SUGP1: variants seen among roughly 807,000 people sequenced by gnomAD.
SUGP1 encodes SURP and G-patch domain-containing protein 1.
In SUGP1, 34 loss-of-function variants were observed where a neutral mutation model predicts 76.5. The ratio of observed to expected loss-of-function variants is 0.44; its 90% CI spans 0.34 to 0.59. SUGP1 has a LOEUF of 0.59. Among genes scored for constraint, SUGP1 ranks in the 20% least tolerant of loss-of-function variants. The pLI, the probability that SUGP1 is intolerant of heterozygous loss-of-function variation, is 0.01. For synonymous variants in SUGP1, 326 were observed against 326.2 expected, an observed-to-expected ratio of 1.00 and a Z score of 0.01; for missense variants, 752 against 851.7, an observed-to-expected ratio of 0.88 and a Z score of 1.46.
intron 7 of SUGP1, among the ~76,000 whole-genome samples, chr19:19,300,129 G>A (rs1435158126): frequency 6.6e-6 from 1 of 151,880 alleles, no homozygotes; most frequent in African/African-American, 2.4e-5. Flanking sequence ...AGGCTGAAGT[G>A]CAATGGCATC....
At chr19:19,317,339 G>T (rs1164679395) in intron 1 of SUGP1, among the ~76,000 whole-genome samples, 1 of 152,168 alleles carries the variant, frequency 6.6e-6, no homozygotes, top group Non-Finnish European at 1.5e-5. Flanking sequence ...GGCAGAAGAA[G>T]GAGCAGATGT....
At chr19:19,311,413 T>C (rs1184422024) in intron 2 of SUGP1, among the ~76,000 whole-genome samples, 1 of 151,406 alleles carries the variant, frequency 6.6e-6, no homozygotes, top group Non-Finnish European at 1.5e-5. Flanking sequence ...GCAAGATTGC[T>C]TTGGCTGTTT....
In SUGP1 at chr19:19,319,706, CAAAAAAAAA is replaced by C. The variant is rs570232030; in HGVS notation, c.34+748_34+756del. ...TGGGCGACAAAGTGAGACCCTGTCT[CAAAAAAAAA>C]AAAAAAAAAAAAAAGAAAGAAAGAA... On this transcript the variant is annotated intron_variant, in intron 1 of 13. Coordinates refer to ENST00000247001, the MANE Select transcript of SUGP1 (RefSeq NM_172231.4). Among the ~76,000 whole-genome samples, 50 of 69,284 alleles carry C rather than the reference CAAAAAAAAA, an allele frequency of 7.2e-4. No individual in the cohort carries two copies. The South Asian group carries it at 0.028, about 38-fold the overall frequency. 45.5% of individuals were successfully genotyped at this position (69,284 alleles called of 152,430 possible).
chr19:19,300,713 C>T (rs1654502531), intron 7 of SUGP1, among the ~76,000 whole-genome samples: 1 of 152,196 alleles, frequency 6.6e-6, no homozygotes, highest in Non-Finnish European at 1.5e-5. Flanking sequence ...TCCCTTCAGC[C>T]TCGTCTCCTC....
intron 11 of SUGP1, 43 bp downstream of exon 11, chr19:19,278,647 T>A (rs1257034849): frequency 6.5e-7 from 1 of 1,549,154 alleles, no homozygotes; most frequent in Non-Finnish European, 8.8e-7. Flanking sequence ...CAGGAGGGGC[T>A]GGCATGTGGC....
At chr19:19,308,154 C>A (rs375689421) in intron 3 of SUGP1, among the ~76,000 whole-genome samples, 8 of 152,156 alleles carry the variant, frequency 5.3e-5, no homozygotes, top group Non-Finnish European at 8.8e-5. Flanking sequence ...TCTCAGCCCC[C>A]CCATTAGTTG....
At chr19:19,319,387 A>G (rs564042540) in intron 1 of SUGP1, among the ~76,000 whole-genome samples, 2 of 151,884 alleles carry the variant, frequency 1.3e-5, no homozygotes, top group South Asian at 4.2e-4. Flanking sequence ...CCCTCCAGGG[A>G]TTCCCATAGC....
intron 7 of SUGP1, 184 bp downstream of exon 7, chr19:19,302,081 G>T: frequency 2.3e-6 from 2 of 883,072 alleles, no homozygotes; most frequent in African/African-American, 1.7e-5. Context: ...CAGGGGTGCT[G>T]GTGTGTGCGT....
At chr19:19,320,130 G>A (rs751444843) in intron 1 of SUGP1, among the ~76,000 whole-genome samples, 1 of 152,256 alleles carries the variant, frequency 6.6e-6, no homozygotes, top group South Asian at 2.1e-4. Flanking sequence ...GCGACGAAAA[G>A]AGGGGTGCAG....
intron 8 of SUGP1, among the ~76,000 whole-genome samples, chr19:19,287,153 C>A (rs1420196992): frequency 6.6e-6 from 1 of 152,028 alleles, no homozygotes; most frequent in Non-Finnish European, 1.5e-5. Flanking sequence ...CACTTGTAAT[C>A]CAAGCTGCTC....
chr19:19,302,612 G>A (rs1295131300), intron 6 of SUGP1, among the ~76,000 whole-genome samples: 6 of 152,106 alleles, frequency 3.9e-5, no homozygotes, highest in Non-Finnish European at 8.8e-5. Flanking sequence ...AGGTCAAGAG[G>A]GCCTGGGACA....
intron 6 of SUGP1, 170 bp from the exon 7 acceptor site, chr19:19,302,558 C>T (rs906917819): frequency 4.1e-6 from 4 of 974,532 alleles, no homozygotes; most frequent in South Asian, 1.7e-5. Context: ...ATTCATAACA[C>T]ACCTCAAGCC....
intron 2 of SUGP1, among the ~76,000 whole-genome samples, chr19:19,311,395 T>C (rs1167058267): frequency 6.6e-6 from 1 of 151,784 alleles, no homozygotes; most frequent in Non-Finnish European, 1.5e-5. Context: ...TGCCCTGTGA[T>C]TCTTCCAGCA....
At chr19:19,278,225 T>C (rs898837630) in intron 11 of SUGP1, among the ~76,000 whole-genome samples, 1 of 152,130 alleles carries the variant, frequency 6.6e-6, no homozygotes, top group Non-Finnish European at 1.5e-5. Context: ...TAATAAGAGA[T>C]GGACAACGAG....
intron 8 of SUGP1, 83 bp downstream of exon 8, chr19:19,296,906 C>A: frequency 8.5e-7 from 1 of 1,178,392 alleles, no homozygotes; most frequent in Admixed American, 2.8e-5. Context: ...ACAAGCTACA[C>A]TGTGGATGAA....
chr19:19,308,805 T>TAG (rs1206300863), intron 3 of SUGP1, among the ~76,000 whole-genome samples: 4 of 152,102 alleles, frequency 2.6e-5, no homozygotes, highest in Non-Finnish European at 5.9e-5. Flanking sequence ...AAATCTGACT[T>TAG]ATCTGTCTCT....
At chr19:19,287,406 C>CA (rs2081042779) in intron 8 of SUGP1, among the ~76,000 whole-genome samples, 1 of 151,764 alleles carries the variant, frequency 6.6e-6, no homozygotes, top group African/African-American at 2.4e-5. Flanking sequence ...ACAAAAAATA[C>CA]AAAAAATTAG....
chr19:19,306,032 G>A lies in SUGP1; in HGVS notation c.355C>T (p.Pro119Ser), dbSNP rs770169929. 6.2e-7 allele frequency: 1 copy of A among 1,610,718 alleles called. No individual in the cohort carries two copies. The highest frequency in any genetic ancestry group is 2.2e-5 in the East Asian group (1 of 44,812). ...AGCAGGGACCTCTTCCCAGCGCTGG[G>A]GGTGGGTGTGCTGGGAGGGGCGCTG... is the stretch of plus-strand genomic sequence containing the variant. ...APSAPPSTPT[P>S]SAGKRSLLIS... Residue 119 changes from proline (P) to serine (S), a missense_variant, in exon 4 of 14, where the codon CCC becomes TCC. By Grantham distance (74) the Pro-to-Ser change is moderately conservative (BLOSUM62 -1). Coordinates refer to ENST00000247001, the MANE Select transcript of SUGP1 (RefSeq NM_172231.4).
At position 19,279,312 on chromosome 19, in the gene SUGP1, G is replaced by A; in HGVS notation, c.1429C>T (p.Gln477Ter). 6.2e-7 allele frequency: 1 copy of A among 1,611,220 alleles called. No individual in the cohort carries two copies. Among genetic ancestry groups the A allele is most frequent in the Non-Finnish European group, 8.5e-7 (1 of 1,179,800 alleles). The part of the protein sequence containing the change: ...DMQLLWEKAV[Q>*]QHQHGYDSDE... ...CTGTCATAGCCGTGCTGGTGCTGTT[G>A]GACTGCCTTCTCCCACAGCAGCTGC... Residue 477 changes from glutamine to a stop codon, truncating the protein, a stop_gained, in exon 10 of 14, where the codon CAA becomes TAA. Coordinates refer to ENST00000247001, the MANE Select transcript of SUGP1 (RefSeq NM_172231.4). LOFTEE classifies it high-confidence loss of function.
Sources: allele counts gnomAD v4.1 joint callset (sites outside exome capture counted in the v4.1 genomes callset), GRCh38; gene constraint gnomAD v4.1.1; transcripts MANE v1.5; gene names NCBI Gene and HGNC (gene_info 2026-07-23, HGNC 2026-07-21).